Variants in NLRP5 observed in about 807,000 individuals in gnomAD.
NLRP5 encodes NACHT, LRR and PYD domains-containing protein 5.
A neutral mutation model predicts 113.1 loss-of-function variants in NLRP5; 93 were observed. The observed-to-expected ratio is 0.82, with a 90% CI of 0.70 to 0.98. The LOEUF (loss-of-function observed/expected upper bound fraction) is 0.98. NLRP5 is among the 50% of genes least tolerant of loss of function. The probability of loss-of-function intolerance (pLI) is 0.00; values close to 1 mark genes in which losing one functional copy is unlikely to be tolerated. For missense variants in NLRP5, 1,808 were observed against 1,514.3 expected, an observed-to-expected ratio of 1.19 and a Z score of -3.22; for synonymous variants, 751 against 600.7, an observed-to-expected ratio of 1.25 and a Z score of -3.66.
At chr19:55,997,016 A>G (rs988436980), upstream of NLRP5, among the ~76,000 whole-genome samples, 4 of 152,084 alleles carry the variant, frequency 2.6e-5, no homozygotes, top group African/African-American at 7.2e-5. Context: ...TGACTTTTTA[A>G]TGATCACCAT....
intron 6 of NLRP5, among the ~76,000 whole-genome samples, chr19:56,026,102 T>A (rs942513699): frequency 6.6e-6 from 1 of 152,022 alleles, no homozygotes; most frequent in African/African-American, 2.4e-5. Context: ...TTGAGGCCTT[T>A]AAAGTAGGGA....
At chr19:55,986,966 A>T in the NLRP5 span, among the ~76,000 whole-genome samples, 1 of 152,330 alleles carries the variant, frequency 6.6e-6, no homozygotes, top group Non-Finnish European at 1.5e-5. Context: ...TCCTTGAAAG[A>T]ACAAAGTCCA....
At position 56,007,904 on chromosome 19, in the gene NLRP5, C is replaced by CGTGTGTGTGTGT. The variant is rs57588214; in HGVS notation, c.443-865_443-854dup. 5.2e-4 allele frequency among the ~76,000 whole-genome samples: 57 copies of CGTGTGTGTGTGT among 110,148 alleles called. 5 individuals carry two copies. In the South Asian group the frequency reaches 8.3e-3, roughly 16 times the overall value. The allele number at this position is 110,148 out of a possible 152,430, so 72.3% of individuals were successfully genotyped here. A position where few individuals can be genotyped will look rare whatever the true frequency, so the allele number is the denominator to read the frequency against. On this transcript the variant is annotated intron_variant, in intron 2 of 14. Transcript: ENST00000390649. ...GTGTGTGTGTGCGCGTGCGCGCGTG[C>CGTGTGTGTGTGT]GTGTGTGTGTGTGTGTGTGTGTGTG...
At chr19:56,059,823 C>A (rs1984287718) in intron 14 of NLRP5, among the ~76,000 whole-genome samples, 1 of 152,244 alleles carries the variant, frequency 6.6e-6, no homozygotes. Context: ...CCACGCCCGA[C>A]TTCCTTGTGG....
intron 3 of NLRP5, 104 bp downstream of exon 3, chr19:56,008,957 C>G (rs368589590): frequency 5.2e-6 from 5 of 969,442 alleles, no homozygotes; most frequent in Non-Finnish European, 6.5e-6. Flanking sequence ...GTCTAGTGTT[C>G]TTTCTAGTCT....
rs1486224436 is a variant in NLRP5, at chr19:56,005,142, C to T, written c.442+1047C>T. 3.5e-5 allele frequency among the ~76,000 whole-genome samples: 5 copies of T among 142,598 alleles called. No individual in the cohort carries two copies. In the South Asian group the frequency reaches 6.7e-4, roughly 19 times the overall value. The allele number at this position is 142,598 out of a possible 152,430, so 93.5% of individuals were successfully genotyped here. A position where few individuals can be genotyped will look rare whatever the true frequency, so the allele number is the denominator to read the frequency against. On this transcript the variant is annotated intron_variant, in intron 2 of 14. Coordinates refer to ENST00000390649, the MANE Select transcript of NLRP5 (RefSeq NM_153447.4). ...TATATATATAATATATACACACACA[C>T]ATATATACACACACATATACACATA...
intron 11 of NLRP5, among the ~76,000 whole-genome samples, chr19:56,050,077 C>G (rs778719342): frequency 6.6e-6 from 1 of 151,938 alleles, no homozygotes; most frequent in Admixed American, 6.6e-5. Context: ...GTCAGGAGTT[C>G]GAGACCATCC....
At chr19:56,054,740 G>C (rs180959378) in intron 13 of NLRP5, among the ~76,000 whole-genome samples, 31 of 152,220 alleles carry the variant, frequency 2.0e-4, no homozygotes, top group African/African-American at 7.2e-4. Context: ...GTCATGGCTA[G>C]AGGGAATGGG....
At chr19:56,016,045 T>C (rs1982390473) in intron 4 of NLRP5, among the ~76,000 whole-genome samples, 1 of 152,172 alleles carries the variant, frequency 6.6e-6, no homozygotes, top group Non-Finnish European at 1.5e-5. Flanking sequence ...TGTATATACT[T>C]ATGGGGCGTG....
At chr19:56,009,283 T>C (rs1190644195) in intron 3 of NLRP5, among the ~76,000 whole-genome samples, 1 of 126,972 alleles carries the variant, frequency 7.9e-6, no homozygotes, top group African/African-American at 3.1e-5. Context: ...GAGGTTGCAG[T>C]GAGCCGAGAT....
At chr19:55,990,689 G>C in the NLRP5 span, among the ~76,000 whole-genome samples, 8 of 152,152 alleles carry the variant, frequency 5.3e-5, no homozygotes, top group African/African-American at 1.9e-4. Context: ...GCCGGGCATG[G>C]TGGTGGGCGC....
At chr19:55,999,479 C>T (rs973482686), upstream of NLRP5, among the ~76,000 whole-genome samples, 11 of 151,934 alleles carry the variant, frequency 7.2e-5, no homozygotes, top group Admixed American at 6.6e-5. Context: ...GCAGTAGCGT[C>T]GTAAGCCTGA....
chr19:56,047,521 G>A (rs533199708), intron 11 of NLRP5, among the ~76,000 whole-genome samples: 7 of 152,128 alleles, frequency 4.6e-5, no homozygotes, highest in East Asian at 1.9e-4. Flanking sequence ...TAATTTCCAC[G>A]TGTTTGCATG....
chr19:56,015,191 C>T (rs73068172), intron 3 of NLRP5, among the ~76,000 whole-genome samples: 16,538 of 151,846 alleles, frequency 0.11, 1,166 homozygotes, highest in African/African-American at 0.18. Context: ...GTTTTGTTTT[C>T]GTTTTGTTTT....
rs187974923 is a variant in NLRP5 at position 56,044,293 on chromosome 19, A to G, written c.2957+3201A>G. The stretch of plus-strand genomic sequence containing the variant: ...TAGCCAGGCTGGTCTCGAACTCCTG[A>G]TATGCCCACCTCAGCCTCCCAAAGT... On this transcript the variant is annotated intron_variant, in intron 11 of 14. Coordinates refer to ENST00000390649, the MANE Select transcript of NLRP5 (RefSeq NM_153447.4). Among the ~76,000 whole-genome samples the G allele has an allele frequency of 2.4e-3, 371 of 152,050 alleles. 1 individual carries two copies. The highest frequency in any genetic ancestry group is 8.1e-3 in the African/African-American group (334 of 41,460).
intron 3 of NLRP5, 89 bp downstream of exon 3, chr19:56,008,942 T>C (rs1194401357): frequency 6.2e-6 from 7 of 1,130,206 alleles, no homozygotes; most frequent in Non-Finnish European, 9.2e-6. Context: ...CCATGACTTC[T>C]GATAGTCTAG....
At chr19:55,990,829 A>AG in the NLRP5 span, among the ~76,000 whole-genome samples, 1 of 152,082 alleles carries the variant, frequency 6.6e-6, no homozygotes, top group Non-Finnish European at 1.5e-5. Flanking sequence ...TGTCTCAAAA[A>AG]GAAAAAAAGC....
rs533944474 is a variant in NLRP5, at chr19:56,022,079, T to C, written c.679+1648T>C. Among the ~76,000 whole-genome samples the C allele has an allele frequency of 2.6e-5, 4 of 152,330 alleles. No individual in the cohort carries two copies. In the South Asian group the frequency reaches 6.2e-4, roughly 24 times the overall value. On this transcript the variant is annotated intron_variant, in intron 6 of 14. Transcript: ENST00000390649. ...TTTGAAAAACTAATGGTTGCCAGTG[T>C]TGTCAACTTTAAATTGGGACGAATA...
At chr19:56,012,680 C>A (rs994985075) in intron 3 of NLRP5, among the ~76,000 whole-genome samples, 2 of 151,154 alleles carry the variant, frequency 1.3e-5, no homozygotes, top group African/African-American at 2.4e-5. Flanking sequence ...TTCCTTGGAA[C>A]GATCTTACAA....
Sources: gnomAD v4.1 joint callset for allele counts (sites outside exome capture counted in the v4.1 genomes callset) on GRCh38, gnomAD v4.1.1 for gene constraint, MANE v1.5 for transcripts, NCBI Gene and HGNC (gene_info 2026-07-23, HGNC 2026-07-21) for gene names.